CSMD2: variants seen among roughly 807,000 people sequenced by gnomAD.
CSMD2 encodes the protein CUB and sushi domain-containing protein 2.
CSMD2 carries 130 observed loss-of-function variants against 398.5 expected under a neutral mutation model. That is an observed-to-expected ratio of 0.33 (90% CI 0.28 to 0.38). The LOEUF (loss-of-function observed/expected upper bound fraction) is 0.38. CSMD2 is among the 10% of genes least tolerant of loss of function. The pLI is 1.00. For missense variants in CSMD2, 3,829 were observed against 4,764.9 expected (o/e 0.80, Z 5.78); for synonymous variants, 1,828 against 1,908.5 (o/e 0.96, Z 1.10).
intron 3 of CSMD2, among the ~76,000 whole-genome samples, chr1:33,966,522 G>T (rs1384057026): frequency 6.6e-6 from 1 of 152,172 alleles, no homozygotes; most frequent in Non-Finnish European, 1.5e-5. Context: ...GGCAACTCCT[G>T]TAAAGTGATA....
chr1:34,123,033 G>C (rs1236013789), intron 1 of CSMD2, among the ~76,000 whole-genome samples: 1 of 152,180 alleles, frequency 6.6e-6, no homozygotes, highest in Non-Finnish European at 1.5e-5. Flanking sequence ...AGGTTAAGTG[G>C]TGCTATTTTT....
At chr1:33,627,399 A>G (rs996024310) in intron 32 of CSMD2, among the ~76,000 whole-genome samples, 3 of 152,116 alleles carry the variant, frequency 2.0e-5, no homozygotes, top group African/African-American at 7.2e-5. Flanking sequence ...CGCAGGGAGA[A>G]CATGGGTGGA....
chr1:33,774,626 G>A (rs1045696476), intron 12 of CSMD2, among the ~76,000 whole-genome samples: 1 of 152,118 alleles, frequency 6.6e-6, no homozygotes, highest in Non-Finnish European at 1.5e-5. Context: ...CTGCTGCCAG[G>A]GGCAGAACCC....
At chr1:33,792,574 C>A (rs769579265) in intron 10 of CSMD2, 48 bp from the exon 11 acceptor site, 75 of 1,260,256 alleles carry the variant, frequency 6.0e-5, no homozygotes, top group Non-Finnish European at 7.3e-5. Context: ...TGTGAGGAAG[C>A]CTTCCAAAGC....
intron 25 of CSMD2, among the ~76,000 whole-genome samples, chr1:33,680,465 C>G (rs1390523718): frequency 2.0e-5 from 3 of 152,152 alleles, no homozygotes; most frequent in Non-Finnish European, 4.4e-5. Context: ...GGGCCTCTCT[C>G]TGGGATCCTG....
At chr1:33,531,142 G>A (rs910997895) in intron 64 of CSMD2, among the ~76,000 whole-genome samples, 1 of 152,028 alleles carries the variant, frequency 6.6e-6, no homozygotes, top group Non-Finnish European at 1.5e-5. Context: ...GAAGTTAATG[G>A]ATATGTTAAT....
Position 33,716,271 on chromosome 1 carries a change from C to G in CSMD2, c.3217+15G>C, listed in dbSNP as rs779490721. 2.8e-5 allele frequency: 45 copies of G among 1,601,814 alleles called. No homozygotes were observed. Among genetic ancestry groups the G allele is most frequent in the Non-Finnish European group, 3.8e-5 (45 of 1,169,056 alleles). The stretch of plus-strand genomic sequence containing the variant: ...ACCATGGTCTCTTCCCCTCAGGGAC[C>G]CTCATACTCTTTACCTGAGAAGGTG... On this transcript the variant is annotated intron_variant, in intron 20 of 70. Coordinates refer to ENST00000373381, the MANE Select transcript of CSMD2 (RefSeq NM_001281956.2).
intron 5 of CSMD2, chr1:33,861,194 T>C (rs927786942): frequency 5.9e-5 from 9 of 152,226 alleles, no homozygotes; most frequent in Non-Finnish European, 2.9e-5. Context: ...AAAATGTATT[T>C]CTTATTGCAG....
At position 33,545,965 on chromosome 1, in the gene CSMD2, G is replaced by T. The variant is rs150833798; in HGVS notation, c.9100+72C>A. 3.1e-5 allele frequency: 45 copies of T among 1,456,494 alleles called. No individual in the cohort carries two copies. In the African/African-American group the frequency reaches 3.8e-4, roughly 12 times the overall value. The allele number at this position is 1,456,494 out of a possible 1,614,324, so 90.2% of individuals were successfully genotyped here. A position where few individuals can be genotyped will look rare whatever the true frequency, so the allele number is the denominator to read the frequency against. On this transcript the variant is annotated intron_variant, in intron 57 of 70. Coordinates refer to ENST00000373381, the MANE Select transcript of CSMD2 (RefSeq NM_001281956.2). ...TTTTTCTGTGAGCGCAGGTGCCTGGGAATAAGAGCAGGAGCAGGGGCGAGC... is the reference window on the plus strand; with the variant it reads ...TTTTTCTGTGAGCGCAGGTGCCTGGTAATAAGAGCAGGAGCAGGGGCGAGC...
intron 42 of CSMD2, 23 bp downstream of exon 42, chr1:33,605,259 C>T (rs1481102282): frequency 1.2e-6 from 2 of 1,609,154 alleles, no homozygotes; most frequent in Admixed American, 3.3e-5. Flanking sequence ...GGAAGAACTG[C>T]TGGGGATGAG....
chr1:33,603,981 A>C (rs917198473), intron 42 of CSMD2, among the ~76,000 whole-genome samples: 11 of 152,250 alleles, frequency 7.2e-5, no homozygotes, highest in African/African-American at 2.7e-4. Flanking sequence ...GGAGGTCAGC[A>C]GGGACTAGGC....
chr1:33,676,203 G>C (rs1317725189), intron 25 of CSMD2, among the ~76,000 whole-genome samples: 2 of 152,174 alleles, frequency 1.3e-5, no homozygotes, highest in Non-Finnish European at 2.9e-5. Context: ...TGTATATCTA[G>C]AAAACCCCAT....
chr1:34,010,713 G>T (rs972819112), intron 3 of CSMD2, among the ~76,000 whole-genome samples: 1 of 152,054 alleles, frequency 6.6e-6, no homozygotes, highest in Non-Finnish European at 1.5e-5. Context: ...CCGCCTCCCA[G>T]GTTCACGCCA....
In CSMD2 at chr1:33,546,194, G is replaced by A. The variant is rs1656874662; in HGVS notation, c.8943C>T (p.Asp2981=). ...CSGTSVGVCG[D]PGIPAHGIRL... is the part of the protein sequence containing the mutation. Reference sequence around the variant, plus strand: ...GGATGCCATGAGCCGGGATCCCAGGGTCACCGCAAACTCCCACGCTGGTTC... The same window carrying A: ...GGATGCCATGAGCCGGGATCCCAGGATCACCGCAAACTCCCACGCTGGTTC... The change falls in exon 57 of 71, where the codon GAC becomes GAT. Residue 2981 remains aspartate (D), a synonymous_variant. Transcript: ENST00000373381. 4 of 1,613,972 alleles carry A rather than the reference G, an allele frequency of 2.5e-6. No homozygotes were observed. The East Asian group carries it at 8.9e-5, about 36-fold the overall frequency.
chr1:33,941,927 T>C (rs985010837), intron 3 of CSMD2, among the ~76,000 whole-genome samples: 1 of 152,212 alleles, frequency 6.6e-6, no homozygotes, highest in Non-Finnish European at 1.5e-5. Flanking sequence ...TTTTGCTTGA[T>C]ACATCCATCT....
At chr1:33,792,608 G>A in intron 10 of CSMD2, 82 bp from the exon 11 acceptor site, 1 of 887,100 alleles carries the variant, frequency 1.1e-6, no homozygotes, top group East Asian at 2.4e-5. Flanking sequence ...AGGATTTTCT[G>A]TGTTATGTCC....
intron 37 of CSMD2, 126 bp downstream of exon 37, chr1:33,622,041 G>T: frequency 1.4e-6 from 1 of 736,572 alleles, no homozygotes; most frequent in Non-Finnish European, 2.4e-6. Flanking sequence ...TCTTCACCTA[G>T]GTTTGTGGGA....
At chr1:33,806,423 G>C (rs1236744163) in intron 10 of CSMD2, among the ~76,000 whole-genome samples, 1 of 152,188 alleles carries the variant, frequency 6.6e-6, no homozygotes. Context: ...GGCAGAAGCA[G>C]ATGCAAACCC....
chr1:33,767,030 G>T (rs1650596636), intron 13 of CSMD2, among the ~76,000 whole-genome samples: 1 of 152,174 alleles, frequency 6.6e-6, no homozygotes, highest in Non-Finnish European at 1.5e-5. Flanking sequence ...AATAATTCAA[G>T]AGAAGAAAAA....
Sources: gnomAD v4.1 joint callset for allele counts (sites outside exome capture counted in the v4.1 genomes callset) on GRCh38, gnomAD v4.1.1 for gene constraint, MANE v1.5 for transcripts, NCBI Gene and HGNC (gene_info 2026-07-23, HGNC 2026-07-21) for gene names.